The following RYR2 variants were observed in gnomAD, a reference collection of about 807,000 sequenced individuals.
RYR2 encodes cardiac muscle ryanodine receptor-calcium release channel.
Under a neutral mutation model 601.1 loss-of-function variants are expected in RYR2, and 227 were observed. The observed-to-expected ratio is 0.38, with a 90% CI of 0.34 to 0.42. RYR2 has a LOEUF of 0.42. Among genes scored for constraint, RYR2 ranks in the 10% least tolerant of loss-of-function variants. The probability of loss-of-function intolerance (pLI) is 1.00; values close to 1 mark genes in which losing one functional copy is unlikely to be tolerated. For synonymous variants in RYR2, 2,223 were observed against 2,175.1 expected (o/e 1.02, Z -0.61); for missense variants, 4,646 against 6,156.5 (o/e 0.75, Z 8.21).
chr1:237,722,060 A>G (rs1453047560), intron 73 of RYR2, among the ~76,000 whole-genome samples: 3 of 152,232 alleles, frequency 2.0e-5, no homozygotes, highest in Admixed American at 6.5e-5. Context: ...ATAATTTAAT[A>G]TCTTTGCCTC....
chr1:237,596,379 G>A (rs1232172408), intron 34 of RYR2, among the ~76,000 whole-genome samples: 2 of 152,150 alleles, frequency 1.3e-5, no homozygotes, highest in African/African-American at 4.8e-5. Flanking sequence ...CAGAAATCTT[G>A]TAACTCAAGA....
intron 17 of RYR2, among the ~76,000 whole-genome samples, chr1:237,487,228 A>G (rs1211308762): frequency 6.6e-6 from 1 of 152,120 alleles, no homozygotes; most frequent in Non-Finnish European, 1.5e-5. Flanking sequence ...TTCATTAAGC[A>G]CTGTTTCTCT....
chr1:237,323,989 G>C (rs925101735), intron 2 of RYR2, among the ~76,000 whole-genome samples: 1 of 152,130 alleles, frequency 6.6e-6, no homozygotes, highest in Non-Finnish European at 1.5e-5. Context: ...GTGGGATGAA[G>C]GGAAAAAGAA....
Position 237,264,387 on chromosome 1 carries a change from T to C in RYR2, c.49-6110T>C, listed in dbSNP as rs557312785. Among the ~76,000 whole-genome samples, 5 of 152,322 alleles carry C rather than the reference T, an allele frequency of 3.3e-5. No homozygotes were observed. In the East Asian group the frequency reaches 9.7e-4, roughly 29 times the overall value. ...TAACTAAGGCTTGTATATATCTGCA[T>C]TGTAGCTACAGTTCCTTATTTGGCC... On this transcript the variant is annotated intron_variant, in intron 1 of 104. Coordinates refer to ENST00000366574, the MANE Select transcript of RYR2 (RefSeq NM_001035.3).
In RYR2 at chr1:237,687,492, A is replaced by C. The variant is rs1686532487; in HGVS notation, c.9055A>C (p.Ile3019Leu). 1 of 1,603,108 alleles carries C rather than the reference A, an allele frequency of 6.2e-7. No homozygotes were observed. ...CKLGVLVRHR[I>L]SLFGNDATSI... ...ACTTGGAGTTCTTGTCAGGCATAGGATTTCACTATTTGGTAAGGAGACCCT... is the reference window on the plus strand; with the variant it reads ...ACTTGGAGTTCTTGTCAGGCATAGGCTTTCACTATTTGGTAAGGAGACCCT... The change falls in exon 63 of 105, where the codon ATT becomes CTT. Residue 3019 changes from isoleucine (I) to leucine (L), a missense_variant. Ile to Leu is a conservative substitution (Grantham distance 5). This residue lies in a region of RYR2 where 1,497 missense variants were observed against 1,842.6 expected (regional missense o/e 0.81). Transcript: ENST00000366574.
Position 237,639,217 on chromosome 1 carries a change from A to C in RYR2, c.7115+16A>C. On this transcript the variant is annotated intron_variant, in intron 46 of 104. Transcript: ENST00000366574. ...GTAAAACACTGTAGGTCTAATATACACACCCTCACGAGTGATCCATACTAC... is the reference window on the plus strand; with the variant it reads ...GTAAAACACTGTAGGTCTAATATACCCACCCTCACGAGTGATCCATACTAC... 1 of 1,598,344 alleles carries C rather than the reference A, an allele frequency of 6.3e-7. No individual in the cohort carries two copies. The highest frequency in any genetic ancestry group is 8.5e-7 in the Non-Finnish European group (1 of 1,170,174).
At chr1:237,405,684 GA>G (rs1703793211) in intron 10 of RYR2, among the ~76,000 whole-genome samples, 1 of 152,006 alleles carries the variant, frequency 6.6e-6, no homozygotes. Flanking sequence ...ACAAGAGAAA[GA>G]AGGATTTTAG....
intron 25 of RYR2, among the ~76,000 whole-genome samples, chr1:237,544,755 A>T (rs1669626793): frequency 6.6e-6 from 1 of 152,170 alleles, no homozygotes; most frequent in Non-Finnish European, 1.5e-5. Flanking sequence ...TAACAATTTG[A>T]TTCTTAGCTC....
At chr1:237,229,937 G>A (rs746243217) in intron 1 of RYR2, among the ~76,000 whole-genome samples, 2 of 152,058 alleles carry the variant, frequency 1.3e-5, no homozygotes, top group Non-Finnish European at 2.9e-5. Flanking sequence ...TCATCTGTGT[G>A]TGCTCATATA....
chr1:237,288,178 T>C (rs941492826), intron 2 of RYR2, among the ~76,000 whole-genome samples: 1 of 152,208 alleles, frequency 6.6e-6, no homozygotes, highest in Non-Finnish European at 1.5e-5. Context: ...TATGAGTCTC[T>C]CAGCTGTGGA....
intron 35 of RYR2, among the ~76,000 whole-genome samples, chr1:237,603,608 C>T: frequency 6.6e-6 from 1 of 152,150 alleles, no homozygotes; most frequent in Non-Finnish European, 1.5e-5. Flanking sequence ...GGGCTAAATG[C>T]TCCAATTAAA....
chr1:237,810,084 A>G (rs766965932), intron 100 of RYR2, among the ~76,000 whole-genome samples: 24 of 152,208 alleles, frequency 1.6e-4, no homozygotes, highest in Non-Finnish European at 2.6e-4. Flanking sequence ...TGCCTTAAAT[A>G]ATAGTAATAC....
chr1:237,622,119 G>A (rs1457281340), intron 38 of RYR2, among the ~76,000 whole-genome samples: 1 of 151,560 alleles, frequency 6.6e-6, no homozygotes, highest in Non-Finnish European at 1.5e-5. Context: ...AACGTTTAGG[G>A]AAAAAAAATC....
chr1:237,437,854 G>T (rs1430375890), intron 12 of RYR2, among the ~76,000 whole-genome samples: 2 of 152,098 alleles, frequency 1.3e-5, no homozygotes, highest in Non-Finnish European at 2.9e-5. Context: ...AAAATTTACA[G>T]GTTTTAATGA....
At chr1:237,572,904 T>A (rs1386945209) in intron 29 of RYR2, among the ~76,000 whole-genome samples, 1 of 152,140 alleles carries the variant, frequency 6.6e-6, no homozygotes, top group Non-Finnish European at 1.5e-5. Context: ...AAAAGCTCCT[T>A]AATTTACCTG....
intron 71 of RYR2, among the ~76,000 whole-genome samples, chr1:237,714,451 G>A (rs1219521667): frequency 6.6e-6 from 1 of 152,146 alleles, no homozygotes; most frequent in Non-Finnish European, 1.5e-5. Flanking sequence ...GTCATAAGGA[G>A]AGAGGGTGGA....
At chr1:237,366,738 G>A (rs1404000196) in intron 5 of RYR2, among the ~76,000 whole-genome samples, 1 of 151,106 alleles carries the variant, frequency 6.6e-6, no homozygotes, top group African/African-American at 2.4e-5. Flanking sequence ...AAATGTGTAG[G>A]CCAAGCTTTA....
At chr1:237,658,389 T>C (rs1040322907) in intron 54 of RYR2, among the ~76,000 whole-genome samples, 1 of 152,088 alleles carries the variant, frequency 6.6e-6, no homozygotes, top group African/African-American at 2.4e-5. Flanking sequence ...TTTGGTTTTA[T>C]ATGTAGGTTT....
chr1:237,434,728 A>G (rs1446770619), intron 12 of RYR2, among the ~76,000 whole-genome samples: 2 of 152,232 alleles, frequency 1.3e-5, no homozygotes, highest in Non-Finnish European at 2.9e-5. Flanking sequence ...AACAGTTTCA[A>G]ATAAGACTGT....
Sources: gnomAD v4.1 joint callset for allele counts (sites outside exome capture counted in the v4.1 genomes callset) on GRCh38, gnomAD v4.1.1 for gene constraint, gnomAD v4.1.1 regional missense constraint, MANE v1.5 for transcripts, NCBI Gene and HGNC (gene_info 2026-07-23, HGNC 2026-07-21) for gene names.